DIPK2B: variants seen among roughly 807,000 people sequenced by gnomAD.
DIPK2B encodes the protein UPF0672 protein CXorf36.
DIPK2B carries 15 observed loss-of-function variants against 22.2 expected under a neutral mutation model. That is an observed-to-expected ratio of 0.68 (90% CI 0.45 to 1.04). DIPK2B has a LOEUF of 1.04. DIPK2B is among the 50% of genes least tolerant of loss of function. DIPK2B has a pLI of 0.00. For synonymous variants in DIPK2B, 163 were observed against 153.2 expected (o/e 1.06, Z -0.47); for missense variants, 345 against 348.3 (o/e 0.99, Z 0.08).
rs1172858514 is a variant in DIPK2B at position 45,185,655 on chromosome X, T to TTTC, written c.498+6095_498+6096insGAA. Reference sequence around the variant, plus strand: ...TCTCATTTTCTTTCTTTTCTTTTCTTTTTTTTTTTTTTTTTGAGATGGAGT... The same window carrying TTTC: ...TCTCATTTTCTTTCTTTTCTTTTCTTTTCTTTTTTTTTTTTTTTGAGATGGAGT... On this transcript the variant is annotated intron_variant, in intron 2 of 4. Transcript: ENST00000398000. Among the ~76,000 whole-genome samples, 220 of 53,190 alleles carry TTTC rather than the reference T, an allele frequency of 4.1e-3. 1 individual carries two copies. Among genetic ancestry groups the TTTC allele is most frequent in the Non-Finnish European group, 6.1e-3 (175 of 28,821 alleles). 46.2% of individuals were successfully genotyped at this position (53,190 alleles called of 115,157 possible). A position where few individuals can be genotyped will look rare whatever the true frequency, so the allele number is the denominator to read the frequency against.
chrX:45,186,954 A>T (rs1302374709), intron 2 of DIPK2B, among the ~76,000 whole-genome samples: 2 of 112,833 alleles, frequency 1.8e-5, no homozygotes, highest in Middle Eastern at 4.6e-3. Flanking sequence ...TAGATTATAT[A>T]ATGAACATGC....
intron 1 of DIPK2B, among the ~76,000 whole-genome samples, chrX:45,193,629 G>A (rs1157809252): frequency 8.9e-6 from 1 of 112,448 alleles, no homozygotes; most frequent in African/African-American, 3.2e-5. Flanking sequence ...GGGAAGGTGC[G>A]CCAGTGGAAA....
At chrX:45,195,697 C>CTGCCTGCTGCAT (rs200507478) in intron 1 of DIPK2B, among the ~76,000 whole-genome samples, 2,467 of 111,495 alleles carry the variant, frequency 0.022, 83 homozygotes, top group African/African-American at 0.074. Context: ...TCACAATGCT[C>CTGCCTGCTGCAT]TGCCTGCTGC....
At chrX:45,186,834 T>C (rs779554199) in intron 2 of DIPK2B, among the ~76,000 whole-genome samples, 3 of 112,277 alleles carry the variant, frequency 2.7e-5, no homozygotes, top group Non-Finnish European at 3.8e-5. Context: ...GATACCCTTA[T>C]GCCCTCCTAG....
chrX:45,175,720 C>T (rs1256523019), intron 2 of DIPK2B, among the ~76,000 whole-genome samples: 1 of 98,167 alleles, frequency 1.0e-5, no homozygotes, highest in Non-Finnish European at 2.0e-5. Flanking sequence ...TGTATATGTA[C>T]ATATATGTAT....
intron 2 of DIPK2B, among the ~76,000 whole-genome samples, chrX:45,169,020 A>G (rs1324962650): frequency 1.8e-5 from 2 of 111,616 alleles, no homozygotes; most frequent in Non-Finnish European, 3.8e-5. Flanking sequence ...CCTATAACTG[A>G]TGGATAGGAT....
chrX:45,151,471 C>G lies in DIPK2B; in HGVS notation c.*181G>C, dbSNP rs1046399095. ...ATGCCCACCGCGGGCTTTGCCAGGA[C>G]GTCCCAGCCAGCAGAGACAGCCACG... On this transcript the variant is annotated 3_prime_UTR_variant, in exon 5 of 5. Transcript: ENST00000398000. 7 of 477,974 alleles carry G rather than the reference C, an allele frequency of 1.5e-5. No homozygotes were observed. The South Asian group carries it at 2.5e-4, about 17-fold the overall frequency. The allele number at this position is 477,974 out of a possible 1,213,427, so 39.4% of individuals were successfully genotyped here. A position where few individuals can be genotyped will look rare whatever the true frequency, so the allele number is the denominator to read the frequency against.
At chrX:45,168,506 C>A (rs543075731) in intron 2 of DIPK2B, among the ~76,000 whole-genome samples, 2 of 112,402 alleles carry the variant, frequency 1.8e-5, no homozygotes, top group African/African-American at 6.5e-5. Flanking sequence ...AGACAGGTCT[C>A]CTAACTCCGG....
At chrX:45,198,202 A>G (rs1265896214) in intron 1 of DIPK2B, among the ~76,000 whole-genome samples, 1 of 112,191 alleles carries the variant, frequency 8.9e-6, no homozygotes, top group African/African-American at 3.2e-5. Flanking sequence ...GAAATGCAAC[A>G]AAATGTTGAC....
intron 2 of DIPK2B, among the ~76,000 whole-genome samples, chrX:45,186,627 T>A (rs1471187582): frequency 8.9e-6 from 1 of 112,739 alleles, no homozygotes; most frequent in African/African-American, 3.2e-5. Flanking sequence ...CAAATGGAAA[T>A]TTTTTGAAGC....
chrX:45,153,589 C>T (rs2046973345), intron 4 of DIPK2B, among the ~76,000 whole-genome samples: 1 of 105,183 alleles, frequency 9.5e-6, no homozygotes, highest in Non-Finnish European at 1.9e-5. Context: ...AGGGTCAAGG[C>T]AGGTCCCTGG....
chrX:45,172,184 G>A (rs1310293654), intron 2 of DIPK2B, among the ~76,000 whole-genome samples: 1 of 112,306 alleles, frequency 8.9e-6, no homozygotes, highest in Non-Finnish European at 1.9e-5. Flanking sequence ...CTGGATGGAT[G>A]TACTTCTGGC....
intron 4 of DIPK2B, 40 bp from the exon 5 acceptor site, chrX:45,152,032 G>A: frequency 2.7e-6 from 3 of 1,106,224 alleles, no homozygotes; most frequent in Non-Finnish European, 3.6e-6. Context: ...CCTGCCACCA[G>A]TGCTCCTTGA....
At chrX:45,168,980 C>A (rs1008654693) in intron 2 of DIPK2B, among the ~76,000 whole-genome samples, 84 of 112,154 alleles carry the variant, frequency 7.5e-4, no homozygotes, top group Non-Finnish European at 1.3e-3. Flanking sequence ...GAGGCAAGTT[C>A]TTTAATTTAG....
intron 2 of DIPK2B, among the ~76,000 whole-genome samples, chrX:45,181,524 T>C (rs2047152171): frequency 8.9e-6 from 1 of 112,208 alleles, no homozygotes; most frequent in South Asian, 3.6e-4. Context: ...ACCAATGGAA[T>C]ACAACAGAGA....
At position 45,192,059 on chromosome X, in the gene DIPK2B, G is replaced by A. The variant is rs370174186; in HGVS notation, c.234-44C>T. ...TTTGAGGATTGGCCTGTGAGCTGGA[G>A]GCTCACAGAGCCCAGGGACAGGAAG... On this transcript the variant is annotated intron_variant, in intron 1 of 4. Coordinates refer to ENST00000398000, the MANE Select transcript of DIPK2B (RefSeq NM_176819.4). 1.6e-4 allele frequency: 183 copies of A among 1,135,250 alleles called. No individual in the cohort carries two copies. In the African/African-American group the frequency reaches 2.7e-3, roughly 17 times the overall value. The allele number at this position is 1,135,250 out of a possible 1,213,427, so 93.6% of individuals were successfully genotyped here.
intron 2 of DIPK2B, chrX:45,164,184 G>T (rs767512971): frequency 8.4e-7 from 1 of 1,194,612 alleles, no homozygotes; most frequent in East Asian, 3.0e-5. Flanking sequence ...TCCATGCCAG[G>T]CTTTTTCACT....
intron 1 of DIPK2B, among the ~76,000 whole-genome samples, chrX:45,195,338 T>C (rs1049224405): frequency 5.4e-5 from 6 of 111,058 alleles, no homozygotes; most frequent in African/African-American, 2.0e-4. Context: ...AGAATTACAG[T>C]TTCTCAGAGC....
At chrX:45,180,376 A>G (rs1256973067) in intron 2 of DIPK2B, among the ~76,000 whole-genome samples, 4 of 111,873 alleles carry the variant, frequency 3.6e-5, no homozygotes, top group Non-Finnish European at 7.5e-5. Flanking sequence ...GAGATAGGTC[A>G]CCAGTGGATT....
Sources: gnomAD v4.1 joint callset for allele counts (sites outside exome capture counted in the v4.1 genomes callset) on GRCh38, gnomAD v4.1.1 for gene constraint, MANE v1.5 for transcripts, NCBI Gene and HGNC (gene_info 2026-07-23, HGNC 2026-07-21) for gene names.